USP12: variants seen among roughly 807,000 people sequenced by gnomAD.
USP12 encodes the protein ubiquitin specific peptidase 12, also known as ubiquitin carboxyl-terminal hydrolase 12.
Under a neutral mutation model 45.5 loss-of-function variants are expected in USP12, and 19 were observed. The observed-to-expected ratio is 0.42, with a 90% CI of 0.29 to 0.61. The LOEUF is 0.61. USP12 is among the 20% of genes least tolerant of loss of function. The pLI is 0.22. For missense variants in USP12, 242 were observed against 447.7 expected (o/e 0.54, Z 4.15); for synonymous variants, 149 against 148.8 (o/e 1.00, Z -0.01).
intron 1 of USP12, among the ~76,000 whole-genome samples, chr13:27,148,884 A>G (rs1877442305): frequency 6.6e-6 from 1 of 152,056 alleles, no homozygotes; most frequent in African/African-American, 2.4e-5. Context: ...CTCTGAATAC[A>G]ATAAAAATTG....
chr13:27,112,859 C>T (rs781222593), intron 2 of USP12, among the ~76,000 whole-genome samples: 23 of 152,134 alleles, frequency 1.5e-4, no homozygotes, highest in African/African-American at 4.8e-4. Flanking sequence ...ATATTTTCTT[C>T]CTATTCCCAA....
At chr13:27,134,950 C>G (rs891594536) in intron 1 of USP12, among the ~76,000 whole-genome samples, 3 of 152,194 alleles carry the variant, frequency 2.0e-5, no homozygotes, top group African/African-American at 4.8e-5. Flanking sequence ...AAATGTTTCA[C>G]AGATGCTGAA....
chr13:27,096,743 C>T (rs1874599924), intron 3 of USP12, among the ~76,000 whole-genome samples: 1 of 152,180 alleles, frequency 6.6e-6, no homozygotes, highest in Non-Finnish European at 1.5e-5. Flanking sequence ...TAAGCCCACA[C>T]ACAAGAACAT....
At chr13:27,155,074 T>G (rs1416316910) in intron 1 of USP12, among the ~76,000 whole-genome samples, 1 of 71,542 alleles carries the variant, frequency 1.4e-5, no homozygotes, top group Non-Finnish European at 3.7e-5. Context: ...AACTTTTTTT[T>G]TTTTTTTTTT....
At chr13:27,148,815 A>ACACACAC (rs1232624646) in intron 1 of USP12, among the ~76,000 whole-genome samples, 2 of 12,568 alleles carry the variant, frequency 1.6e-4, no homozygotes, top group African/African-American at 4.8e-4. Flanking sequence ...CACACACACA[A>ACACACAC]AAATCAGGTG....
At chr13:27,115,895 G>T (rs1274361501) in intron 2 of USP12, among the ~76,000 whole-genome samples, 1 of 152,100 alleles carries the variant, frequency 6.6e-6, no homozygotes, top group Non-Finnish European at 1.5e-5. Context: ...CATTCTCAAA[G>T]AATCAAGAGA....
intron 1 of USP12, 65 bp downstream of exon 1, chr13:27,171,527 G>A (rs1034205736): frequency 0.013 from 12,330 of 970,054 alleles, 102 homozygotes; most frequent in Non-Finnish European, 0.014. Flanking sequence ...GGAGAGGCGG[G>A]TCCAGCGCCG....
chr13:27,162,103 A>G lies in USP12; in HGVS notation c.48+9489T>C, dbSNP rs1336294430. 2.0e-5 allele frequency among the ~76,000 whole-genome samples: 3 copies of G among 152,246 alleles called. No individual in the cohort carries two copies. The East Asian group carries it at 5.8e-4, about 29-fold the overall frequency. Reference sequence around the variant, plus strand: ...TTAATGTGCTTTCCATCCTTTCCTTAAGAGGGCATGGAGTCTTACCAACAA... The same window carrying G: ...TTAATGTGCTTTCCATCCTTTCCTTGAGAGGGCATGGAGTCTTACCAACAA... On this transcript the variant is annotated intron_variant, in intron 1 of 8. Coordinates refer to ENST00000282344, the MANE Select transcript of USP12 (RefSeq NM_182488.4).
intron 6 of USP12, among the ~76,000 whole-genome samples, chr13:27,081,921 G>T (rs1002635746): frequency 6.6e-6 from 1 of 152,208 alleles, no homozygotes; most frequent in Non-Finnish European, 1.5e-5. Flanking sequence ...AAAATATTCA[G>T]TAAATTATGC....
At chr13:27,161,984 A>T (rs1448115721) in intron 1 of USP12, among the ~76,000 whole-genome samples, 2 of 152,236 alleles carry the variant, frequency 1.3e-5, no homozygotes, top group Non-Finnish European at 2.9e-5. Flanking sequence ...TGCTTCATGG[A>T]TCATTAAAAT....
At chr13:27,125,819 T>C (rs939043938) in intron 1 of USP12, among the ~76,000 whole-genome samples, 1 of 152,214 alleles carries the variant, frequency 6.6e-6, no homozygotes, top group African/African-American at 2.4e-5. Context: ...GTGCCTGGCT[T>C]ATGGGTCCCA....
chr13:27,167,601 A>AT (rs1878406308), intron 1 of USP12, among the ~76,000 whole-genome samples: 1 of 151,982 alleles, frequency 6.6e-6, no homozygotes, highest in African/African-American at 2.4e-5. Flanking sequence ...ACACAGCAAA[A>AT]TTAGATAAGT....
chr13:27,108,284 C>T (rs1035615409), intron 2 of USP12, among the ~76,000 whole-genome samples: 6 of 149,526 alleles, frequency 4.0e-5, no homozygotes, highest in Admixed American at 3.4e-4. Flanking sequence ...ATCGCAAGGA[C>T]AAAAAACCAA....
chr13:27,091,901 G>A (rs1292586423), intron 4 of USP12, among the ~76,000 whole-genome samples: 1 of 152,152 alleles, frequency 6.6e-6, no homozygotes, highest in Non-Finnish European at 1.5e-5. Flanking sequence ...CCAGGAAGCT[G>A]GTCCTTTACC....
rs530323571 is a variant in USP12 at position 27,143,626 on chromosome 13, T to C, written c.49-27030A>G. Among the ~76,000 whole-genome samples, 348 of 152,284 alleles carry C rather than the reference T, an allele frequency of 2.3e-3. 3 individuals are homozygous for C. The highest frequency in any genetic ancestry group is 3.0e-3 in the Non-Finnish European group (206 of 68,028). ...AAATATTTCCCTTATGATGAAGACA[T>C]TGGTGGTCTCCACTTGAATCAAATC... On this transcript the variant is annotated intron_variant, in intron 1 of 8. Coordinates refer to ENST00000282344, the MANE Select transcript of USP12 (RefSeq NM_182488.4).
At chr13:27,162,760 T>C (rs1218517943) in intron 1 of USP12, 1 of 152,212 alleles carries the variant, frequency 6.6e-6, no homozygotes, top group Non-Finnish European at 1.5e-5. Flanking sequence ...GTTTGAACCA[T>C]TTGGATTATT....
intron 2 of USP12, among the ~76,000 whole-genome samples, chr13:27,108,299 C>T (rs145622126): frequency 8.7e-4 from 132 of 151,808 alleles, no homozygotes; most frequent in African/African-American, 2.8e-3. Context: ...AACCAAACAC[C>T]GCATGTTCTT....
At chr13:27,118,944 C>T (rs1209695285) in intron 1 of USP12, among the ~76,000 whole-genome samples, 1 of 152,226 alleles carries the variant, frequency 6.6e-6, no homozygotes, top group African/African-American at 2.4e-5. Flanking sequence ...CTCCCACTCC[C>T]TTGTCCTCAC....
Position 27,124,117 on chromosome 13 carries a change from A to G in USP12, c.49-7521T>C, listed in dbSNP as rs372969717. ...CAATTAAATAATTTTTACATAGTCA[A>G]TCATGGAAAACATACAACTAACTAC... On this transcript the variant is annotated intron_variant, in intron 1 of 8. Transcript: ENST00000282344. 2.6e-5 allele frequency among the ~76,000 whole-genome samples: 4 copies of G among 152,376 alleles called. No individual in the cohort carries two copies. The East Asian group carries it at 5.8e-4, about 22-fold the overall frequency.
Sources: allele counts gnomAD v4.1 joint callset (sites outside exome capture counted in the v4.1 genomes callset), GRCh38; gene constraint gnomAD v4.1.1; transcripts MANE v1.5; gene names NCBI Gene and HGNC (gene_info 2026-07-23, HGNC 2026-07-21).